The following MAML2 variants were observed in gnomAD, a reference collection of about 807,000 sequenced individuals.
MAML2 encodes the protein mastermind-like protein 2.
Under a neutral mutation model 96.1 loss-of-function variants are expected in MAML2, and 22 were observed. That is an observed-to-expected ratio of 0.23 (90% CI 0.16 to 0.33). The LOEUF is 0.33. Among genes scored for constraint, MAML2 ranks in the 10% least tolerant of loss-of-function variants. MAML2 has a pLI of 1.00. For missense variants in MAML2, 1,367 were observed against 1,392.4 expected, an observed-to-expected ratio of 0.98 and a Z score of 0.29; for synonymous variants, 561 against 521.3, an observed-to-expected ratio of 1.08 and a Z score of -1.04.
rs139207084 is a variant in MAML2 at position 96,054,811 on chromosome 11, G to C, written c.2139+37081C>G. Among the ~76,000 whole-genome samples, 947 of 152,204 alleles carry C rather than the reference G, an allele frequency of 6.2e-3. 11 individuals carry two copies. Among genetic ancestry groups the C allele is most frequent in the African/African-American group, 0.022 (901 of 41,524 alleles). ...TTCTTATGATGGCAAACTAAATAAA[G>C]AGTTTGAGGATCTGCATTACACATG... On this transcript the variant is annotated intron_variant, in intron 2 of 4. Coordinates refer to ENST00000524717, the MANE Select transcript of MAML2 (RefSeq NM_032427.4).
intron 1 of MAML2, among the ~76,000 whole-genome samples, chr11:96,134,527 A>G (rs1279752058): frequency 3.3e-5 from 5 of 152,242 alleles, no homozygotes; most frequent in African/African-American, 4.8e-5. Flanking sequence ...ATTTGAAGGC[A>G]GTCAAACTCT....
intron 1 of MAML2, among the ~76,000 whole-genome samples, chr11:96,136,597 T>C (rs550905380): frequency 2.6e-5 from 4 of 152,286 alleles, no homozygotes; most frequent in Non-Finnish European, 5.9e-5. Flanking sequence ...CATGGTGAAT[T>C]TCAAATTTCA....
intron 1 of MAML2, among the ~76,000 whole-genome samples, chr11:96,291,115 C>CA (rs1484110724): frequency 2.9e-5 from 2 of 69,062 alleles, no homozygotes; most frequent in South Asian, 1.5e-3. Context: ...TTTCACAAGC[C>CA]TTTTTTTTTT....
At chr11:96,339,917 G>A (rs564046111) in intron 1 of MAML2, among the ~76,000 whole-genome samples, 1 of 152,174 alleles carries the variant, frequency 6.6e-6, no homozygotes, top group African/African-American at 2.4e-5. Flanking sequence ...ATTAGGCTTC[G>A]AAGCTCTAAT....
chr11:96,149,048 C>T (rs893976248), intron 1 of MAML2, among the ~76,000 whole-genome samples: 9 of 152,142 alleles, frequency 5.9e-5, no homozygotes, highest in African/African-American at 1.7e-4. Context: ...CCCTCTGTGA[C>T]GAACATTGCC....
chr11:96,008,495 A>G (rs984053438), intron 2 of MAML2, among the ~76,000 whole-genome samples: 4 of 152,218 alleles, frequency 2.6e-5, no homozygotes, highest in African/African-American at 9.6e-5. Context: ...CTGGATCCAA[A>G]TAACAGTTCA....
intron 1 of MAML2, among the ~76,000 whole-genome samples, chr11:96,190,352 G>C (rs959659386): frequency 6.6e-6 from 1 of 152,262 alleles, no homozygotes; most frequent in African/African-American, 2.4e-5. Context: ...GGTTAATGAG[G>C]GGAAGAATGA....
intron 1 of MAML2, among the ~76,000 whole-genome samples, chr11:96,310,753 C>T (rs952698195): frequency 1.3e-5 from 2 of 152,090 alleles, no homozygotes; most frequent in African/African-American, 4.8e-5. Flanking sequence ...CTCAGTCTCC[C>T]CAGGTGTAAA....
chr11:96,226,035 T>A (rs1862205909), intron 1 of MAML2, among the ~76,000 whole-genome samples: 1 of 152,184 alleles, frequency 6.6e-6, no homozygotes, highest in Non-Finnish European at 1.5e-5. Flanking sequence ...AGCAAATACT[T>A]ATTGTCTCCT....
At chr11:96,030,479 T>C (rs1252264274) in intron 2 of MAML2, among the ~76,000 whole-genome samples, 8 of 152,044 alleles carry the variant, frequency 5.3e-5, no homozygotes, top group African/African-American at 1.9e-4. Context: ...AATAATAACA[T>C]TACAAATCCA....
At position 96,327,262 on chromosome 11, in the gene MAML2, G is replaced by A. The variant is rs574779425; in HGVS notation, c.513+14121C>T. On this transcript the variant is annotated intron_variant, in intron 1 of 4. Transcript: ENST00000524717. ...AAGCAAAGGAGGGATGACTGGCCCCGAGGTCATCCTGTTAGTTAAAGCCTG... is the reference window on the plus strand; with the variant it reads ...AAGCAAAGGAGGGATGACTGGCCCCAAGGTCATCCTGTTAGTTAAAGCCTG... Among the ~76,000 whole-genome samples, 11 of 152,256 alleles carry A rather than the reference G, an allele frequency of 7.2e-5. No homozygotes were observed. The South Asian group carries it at 2.3e-3, about 32-fold the overall frequency.
intron 2 of MAML2, among the ~76,000 whole-genome samples, chr11:96,045,577 T>A (rs996577347): frequency 2.0e-5 from 3 of 152,222 alleles, no homozygotes; most frequent in South Asian, 4.1e-4. Flanking sequence ...AAAACAACAA[T>A]CAGAAAGAAA....
intron 2 of MAML2, among the ~76,000 whole-genome samples, chr11:96,032,697 G>T (rs767309268): frequency 9.2e-5 from 14 of 151,882 alleles, no homozygotes; most frequent in Non-Finnish European, 1.6e-4. Flanking sequence ...CATACAATGT[G>T]ATGCTACTTC....
At chr11:96,033,671 C>A (rs1167107000) in intron 2 of MAML2, among the ~76,000 whole-genome samples, 2 of 152,136 alleles carry the variant, frequency 1.3e-5, no homozygotes, top group Non-Finnish European at 2.9e-5. Context: ...AAGTTGTGGT[C>A]TGGTGAGAGA....
rs1361379354 is a variant in MAML2, at chr11:95,991,553, T to G, written c.2310A>C (p.Gln770His). ...LQRQIMEQKQ[Q>H]LLLQQQMLAD... is the part of the protein sequence containing the mutation. ...CCAGCATCTGCTGCTGGAGAAGAAG[T>G]TGCTGTTTCTGCTCCATGATCTGCC... The change falls in exon 3 of 5, where the codon CAA becomes CAC. Residue 770 changes from glutamine to histidine, a missense_variant. By Grantham distance (24) the Gln-to-His change is conservative. Transcript: ENST00000524717. 15 of 1,613,646 alleles carry G rather than the reference T, an allele frequency of 9.3e-6. No homozygotes were observed. Among genetic ancestry groups the G allele is most frequent in the Non-Finnish European group, 1.3e-5 (15 of 1,179,730 alleles).
At chr11:95,986,024 C>A (rs7127362) in intron 3 of MAML2, among the ~76,000 whole-genome samples, 2 of 151,950 alleles carry the variant, frequency 1.3e-5, no homozygotes, top group South Asian at 2.1e-4. Context: ...CACCAAACAC[C>A]CCCCTCTCTT....
In MAML2 at chr11:96,206,551, T is replaced by C. The variant is rs147992456; in HGVS notation, c.514-113034A>G. Among the ~76,000 whole-genome samples the C allele has an allele frequency of 3.3e-3, 508 of 152,250 alleles. 4 individuals carry two copies. The highest frequency in any genetic ancestry group is 0.011 in the African/African-American group (466 of 41,530). On this transcript the variant is annotated intron_variant, in intron 1 of 4. Transcript: ENST00000524717. ...AGGCGGAGGTTGCAGTGAGCCGAGA[T>C]TGTACGACTGCACTGCAGCCTGGGT...
chr11:96,340,463 T>C (rs1263027593), intron 1 of MAML2, among the ~76,000 whole-genome samples: 1 of 152,206 alleles, frequency 6.6e-6, no homozygotes, highest in Non-Finnish European at 1.5e-5. Flanking sequence ...CAGCAGGCAG[T>C]CACCTGACCA....
At chr11:96,302,014 G>T (rs1329215611) in intron 1 of MAML2, among the ~76,000 whole-genome samples, 1 of 152,150 alleles carries the variant, frequency 6.6e-6, no homozygotes, top group Non-Finnish European at 1.5e-5. Flanking sequence ...GTGTGTGCTA[G>T]GCATTGTGCA....
Sources: allele counts gnomAD v4.1 joint callset (sites outside exome capture counted in the v4.1 genomes callset), GRCh38; gene constraint gnomAD v4.1.1; transcripts MANE v1.5; gene names NCBI Gene and HGNC (gene_info 2026-07-23, HGNC 2026-07-21).